SMIM10L3: variants seen among roughly 807,000 people sequenced by gnomAD.
The protein encoded by SMIM10L3 is small integral membrane protein 10 like 3, also known as salivary gland specific protein SAGSIN1.
the SMIM10L3 span, among the ~76,000 whole-genome samples, chr7:6,331,418 G>A: frequency 2.0e-5 from 3 of 152,108 alleles, no homozygotes; most frequent in East Asian, 1.9e-4. Context: ...CCACCTCAGC[G>A]TCCCAAAGTG....
the SMIM10L3 span, chr7:6,330,715 T>G: frequency 5.0e-6 from 8 of 1,614,140 alleles, no homozygotes; most frequent in Non-Finnish European, 5.9e-6. Context: ...AGGCTCTCCT[T>G]TGGGGCACTG....
the SMIM10L3 span, chr7:6,330,653 G>C: frequency 6.2e-7 from 1 of 1,614,126 alleles, no homozygotes; most frequent in South Asian, 1.1e-5. Context: ...GGGTCATCCT[G>C]AAAACTTCCC....
At chr7:6,339,946 A>G in the SMIM10L3 span, among the ~76,000 whole-genome samples, 4 of 151,254 alleles carry the variant, frequency 2.6e-5, no homozygotes, top group Admixed American at 6.6e-5. Flanking sequence ...GTGCAGCTGC[A>G]TGATCTCAGC....
chr7:6,333,997 C>A, the SMIM10L3 span, among the ~76,000 whole-genome samples: 1 of 151,486 alleles, frequency 6.6e-6, no homozygotes, highest in Non-Finnish European at 1.5e-5. Context: ...CAGGCACCCG[C>A]CACCACGCCC....
chr7:6,332,115 A>G, the SMIM10L3 span, among the ~76,000 whole-genome samples: 12 of 66,248 alleles, frequency 1.8e-4, no homozygotes, highest in Admixed American at 1.9e-3. Context: ...ATCTCACGGA[A>G]AAAAAAAAAA....
chr7:6,342,945 G>A, the SMIM10L3 span, among the ~76,000 whole-genome samples: 1 of 151,968 alleles, frequency 6.6e-6, no homozygotes, highest in Non-Finnish European at 1.5e-5. Flanking sequence ...GCTGAAGTGG[G>A]AGGATGGCTT....
At chr7:6,344,680 A>C in the SMIM10L3 span, among the ~76,000 whole-genome samples, 48 of 151,936 alleles carry the variant, frequency 3.2e-4, no homozygotes, top group Non-Finnish European at 6.8e-4. Context: ...TGGACTCCCA[A>C]AGTGCTGGGA....
the SMIM10L3 span, among the ~76,000 whole-genome samples, chr7:6,343,097 C>T: frequency 2.6e-5 from 4 of 150,978 alleles, no homozygotes; most frequent in African/African-American, 9.7e-5. Context: ...AAAAAATTGG[C>T]CAGGTGCAGT....
chr7:6,344,173 T>C, the SMIM10L3 span, among the ~76,000 whole-genome samples: 1 of 150,268 alleles, frequency 6.7e-6, no homozygotes, highest in South Asian at 2.1e-4. Context: ...GGCGTGGGGC[T>C]GTCCCCCTTA....
the SMIM10L3 span, among the ~76,000 whole-genome samples, chr7:6,336,873 T>C: frequency 2.6e-5 from 4 of 151,784 alleles, no homozygotes; most frequent in Non-Finnish European, 5.9e-5. Context: ...AGGCTGGTCT[T>C]GAACTCCTGG....
chr7:6,337,124 T>G, the SMIM10L3 span, among the ~76,000 whole-genome samples: 1 of 151,092 alleles, frequency 6.6e-6, no homozygotes, highest in East Asian at 1.9e-4. Flanking sequence ...CAGGCTGGAG[T>G]GCAGTGGCGC....
the SMIM10L3 span, among the ~76,000 whole-genome samples, chr7:6,333,291 G>A: frequency 1.3e-5 from 2 of 152,130 alleles, no homozygotes; most frequent in African/African-American, 4.8e-5. Context: ...ATGTCACAGG[G>A]AGCCGGTGAT....
the SMIM10L3 span, chr7:6,348,757 A>G: frequency 4.0e-5 from 16 of 400,396 alleles, no homozygotes; most frequent in Non-Finnish European, 6.6e-5. Context: ...AGCCGCCGCC[A>G]TATAGAGACC....
At chr7:6,330,162 TG>T in the SMIM10L3 span, 2 of 572,762 alleles carry the variant, frequency 3.5e-6, no homozygotes, top group African/African-American at 3.8e-5. Flanking sequence ...ATTCTTTATA[TG>T]TCTTTTAAAG....
At chr7:6,333,324 G>C in the SMIM10L3 span, among the ~76,000 whole-genome samples, 1 of 152,134 alleles carries the variant, frequency 6.6e-6, no homozygotes, top group Non-Finnish European at 1.5e-5. Context: ...AGAAGCTTCA[G>C]CAAGGACAGG....
At chr7:6,330,460 T>C in the SMIM10L3 span, 5 of 1,614,210 alleles carry the variant, frequency 3.1e-6, no homozygotes, top group Non-Finnish European at 4.2e-6. Flanking sequence ...TGAGGTGCTT[T>C]TAAGCATTTT....
At chr7:6,336,256 G>A in the SMIM10L3 span, among the ~76,000 whole-genome samples, 1 of 151,982 alleles carries the variant, frequency 6.6e-6, no homozygotes, top group Non-Finnish European at 1.5e-5. Context: ...TGAGGTAGGA[G>A]AGGACTGCTT....
the SMIM10L3 span, among the ~76,000 whole-genome samples, chr7:6,346,811 G>A: frequency 2.6e-4 from 40 of 152,134 alleles, no homozygotes; most frequent in African/African-American, 9.4e-4. Flanking sequence ...CCAAACCGAC[G>A]TTAGAAAGGG....
At chr7:6,341,684 T>C in the SMIM10L3 span, among the ~76,000 whole-genome samples, 5 of 143,396 alleles carry the variant, frequency 3.5e-5, no homozygotes, top group South Asian at 1.1e-3. Context: ...AGCAAGACTC[T>C]GTCAAAAAAA....
Sources: gnomAD v4.1 joint callset for allele counts (sites outside exome capture counted in the v4.1 genomes callset) on GRCh38, gnomAD v4.1.1 for gene constraint, MANE v1.5 for transcripts, NCBI Gene and HGNC (gene_info 2026-07-23, HGNC 2026-07-21) for gene names.